The following PCDHA1 variants were observed in gnomAD, a reference collection of about 807,000 sequenced individuals.
The protein encoded by PCDHA1 is protocadherin alpha-1.
PCDHA1 carries 42 observed loss-of-function variants against 61.3 expected under a neutral mutation model. The observed-to-expected ratio is 0.69, with a 90% CI of 0.54 to 0.89. The LOEUF (loss-of-function observed/expected upper bound fraction) is 0.89, where lower values mean the gene tolerates loss of function less well. Ranked by LOEUF, PCDHA1 falls within the 40% of genes least tolerant of loss-of-function variation. The pLI is 0.00. For synonymous variants in PCDHA1, 610 were observed against 553.8 expected, an observed-to-expected ratio of 1.10 and a Z score of -1.43; for missense variants, 1,256 against 1,235.3, an observed-to-expected ratio of 1.02 and a Z score of -0.25.
At chr5:140,861,430 A>G (rs370794784) in intron 1 of PCDHA1, 18 of 488,226 alleles carry the variant, frequency 3.7e-5, no homozygotes, top group African/African-American at 3.5e-4. Context: ...TTTCAGTTGG[A>G]TTCCAAAAGC....
intron 1 of PCDHA1, chr5:140,808,183 C>T (rs782261316): frequency 6.2e-7 from 1 of 1,614,172 alleles, no homozygotes; most frequent in Admixed American, 1.7e-5. Context: ...CACTTTCTGG[C>T]CATTGTAGAG....
Position 140,871,393 on chromosome 5 carries a change from C to G in PCDHA1, c.2394+82709C>G, listed in dbSNP as rs782354799. The G allele has an allele frequency of 6.2e-6, 10 of 1,614,130 alleles. No individual in the cohort carries two copies. The East Asian group carries it at 2.2e-4, about 36-fold the overall frequency. ...GAGGGTGTGCTCTGAGGAGGGCCCA[C>G]CTAAGACGGACCTCATGGCCTTCAG... On this transcript the variant is annotated intron_variant, in intron 1 of 3. Transcript: ENST00000504120.
At chr5:140,854,998 A>G (rs2043301191) in intron 1 of PCDHA1, among the ~76,000 whole-genome samples, 1 of 149,868 alleles carries the variant, frequency 6.7e-6, no homozygotes, top group East Asian at 1.9e-4. Flanking sequence ...TTGCCCGTGT[A>G]AGATATTATA....
chr5:140,976,453 G>A (rs1554237653), intron 1 of PCDHA1, among the ~76,000 whole-genome samples: 1 of 152,032 alleles, frequency 6.6e-6, no homozygotes, highest in Admixed American at 6.6e-5. Flanking sequence ...AGGGAGGCTG[G>A]GGAAGAAGAA....
At chr5:140,808,128 A>T (rs1554124423) in intron 1 of PCDHA1, 2 of 1,614,078 alleles carry the variant, frequency 1.2e-6, no homozygotes, top group South Asian at 2.2e-5. Context: ...GAAGAAAGCA[A>T]ATCCTATGAA....
At chr5:140,926,899 G>A (rs1554203765) in intron 1 of PCDHA1, 2 of 1,552,028 alleles carry the variant, frequency 1.3e-6, no homozygotes, top group Non-Finnish European at 1.7e-6. Context: ...GAGGATGGTG[G>A]GCTGTGGGGT....
intron 1 of PCDHA1, chr5:140,869,935 A>T: frequency 1.2e-6 from 2 of 1,612,050 alleles, no homozygotes; most frequent in Admixed American, 1.7e-5. Flanking sequence ...TGGAGAGGTA[A>T]CATACTCCTT....
Position 140,809,258 on chromosome 5 carries a change from G to A in PCDHA1, c.2394+20574G>A, listed in dbSNP as rs565672389. On this transcript the variant is annotated intron_variant, in intron 1 of 3. Transcript: ENST00000504120. ...GTTGGTGGGCGCTGTGGGTCCCGAT[G>A]CTGCGCTGGTGGATGTCAACGTATA... 2.5e-6 allele frequency: 4 copies of A among 1,614,106 alleles called. No individual in the cohort carries two copies. The African/African-American group carries it at 4.0e-5, about 16-fold the overall frequency.
chr5:140,849,744 A>G lies in PCDHA1; in HGVS notation c.2394+61060A>G, dbSNP rs2150447733. On this transcript the variant is annotated intron_variant, in intron 1 of 3. Coordinates refer to ENST00000504120, the MANE Select transcript of PCDHA1 (RefSeq NM_018900.4). ...GCTGGACAGAGCTCTGGACCGCGAG[A>G]GTGTGTCCGCCTACGAGCTGGTGGT... The G allele has an allele frequency of 1.1e-5, 18 of 1,598,098 alleles. No homozygotes were observed. In the South Asian group the frequency reaches 1.4e-4, roughly 13 times the overall value.
intron 1 of PCDHA1, among the ~76,000 whole-genome samples, chr5:140,886,628 C>T (rs1305924545): frequency 6.6e-6 from 1 of 151,764 alleles, no homozygotes; most frequent in African/African-American, 2.4e-5. Context: ...GAGTCCGAGA[C>T]CAGCCTGGCC....
rs2098414068 is a variant in PCDHA1 at position 141,009,729 on chromosome 5, G to T, written c.2645G>T (p.Gly882Val). The T allele has an allele frequency of 6.2e-7, 1 of 1,614,168 alleles. No homozygotes were observed. The highest frequency in any genetic ancestry group is 8.5e-7 in the Non-Finnish European group (1 of 1,180,028). ...GGCAACCCCAAACAATCCGGTCCCG[G>T]TGAGTTGCCCGACAAATTCATTATC... is the stretch of plus-strand genomic sequence containing the variant. ...GPGNPKQSGPGELPDKFIIPG... is the reference protein window; with the variant it reads ...GPGNPKQSGPVELPDKFIIPG... Residue 882 changes from glycine (G) to valine (V), a missense_variant, in exon 4 of 4, where the codon GGT becomes GTT. Transcript: ENST00000504120.
chr5:140,977,872 T>A (rs1554238851), intron 1 of PCDHA1, among the ~76,000 whole-genome samples: 1 of 152,258 alleles, frequency 6.6e-6, no homozygotes, highest in African/African-American at 2.4e-5. Flanking sequence ...ATGGTAAGTA[T>A]AATGTAGAGG....
Position 140,843,085 on chromosome 5 carries a change from C to T in PCDHA1, c.2394+54401C>T, listed in dbSNP as rs2150352201. 8.1e-6 allele frequency: 13 copies of T among 1,595,414 alleles called. 1 individual carries two copies. In the African/African-American group the frequency reaches 1.1e-4, roughly 13 times the overall value. ...TGGTGCCGCGGTCTGTGGGCGCGGGCCACGTGGTAGCGAAGGTGCGCGCAG... is the reference window on the plus strand; with the variant it reads ...TGGTGCCGCGGTCTGTGGGCGCGGGTCACGTGGTAGCGAAGGTGCGCGCAG... On this transcript the variant is annotated intron_variant, in intron 1 of 3. Coordinates refer to ENST00000504120, the MANE Select transcript of PCDHA1 (RefSeq NM_018900.4).
intron 1 of PCDHA1, chr5:140,830,564 T>A: frequency 1.0e-6 from 1 of 986,290 alleles, no homozygotes; most frequent in South Asian, 3.1e-5. Flanking sequence ...CTTCTATATT[T>A]CTGTTTTTAA....
chr5:140,802,922 C>T (rs1763062929), intron 1 of PCDHA1: 2 of 1,613,616 alleles, frequency 1.2e-6, no homozygotes, highest in African/African-American at 2.7e-5. Flanking sequence ...GCATCGGTGG[C>T]GCAGTGAGCG....
At position 140,889,293 on chromosome 5, in the gene PCDHA1, T is replaced by C. The variant is rs1051889855; in HGVS notation, c.2395-89656T>C. 3.3e-5 allele frequency among the ~76,000 whole-genome samples: 5 copies of C among 152,196 alleles called. No individual in the cohort carries two copies. The South Asian group carries it at 6.2e-4, about 19-fold the overall frequency. The stretch of plus-strand genomic sequence containing the variant: ...ATCTTTGAATTACTTCTTATTTGAT[T>C]GGAGAACTCACTGTTGAAGTTATCT... On this transcript the variant is annotated intron_variant, in intron 1 of 3. Transcript: ENST00000504120.
At chr5:140,926,864 T>C in intron 1 of PCDHA1, 1 of 1,522,480 alleles carries the variant, frequency 6.6e-7, no homozygotes, top group South Asian at 1.3e-5. Flanking sequence ...GTGTAGCGTG[T>C]TGGTGGAACG....
chr5:140,894,446 T>A (rs981858089), intron 1 of PCDHA1, among the ~76,000 whole-genome samples: 18 of 152,000 alleles, frequency 1.2e-4, no homozygotes, highest in African/African-American at 3.4e-4. Context: ...AGCTCTTTTT[T>A]AAAAAATATT....
Position 140,956,288 on chromosome 5 carries a change from C to A in PCDHA1, c.2395-22661C>A, listed in dbSNP as rs115259112. The stretch of plus-strand genomic sequence containing the variant: ...AGTGTGGTATTGGCTGTGGGTTTAT[C>A]ATATATATGGCTCTTATTATTTTGA... On this transcript the variant is annotated intron_variant, in intron 1 of 3. Transcript: ENST00000504120. Among the ~76,000 whole-genome samples, 994 of 152,174 alleles carry A rather than the reference C, an allele frequency of 6.5e-3. 6 individuals carry two copies. Among genetic ancestry groups the A allele is most frequent in the African/African-American group, 0.022 (916 of 41,532 alleles).
Sources: gnomAD v4.1 joint callset for allele counts (sites outside exome capture counted in the v4.1 genomes callset) on GRCh38, gnomAD v4.1.1 for gene constraint, MANE v1.5 for transcripts, NCBI Gene and HGNC (gene_info 2026-07-23, HGNC 2026-07-21) for gene names.